The following RBM33 variants were observed in gnomAD, a reference collection of about 807,000 sequenced individuals.
RBM33 encodes RNA binding motif protein 33, also known as RNA-binding protein 33.
Under a neutral mutation model 132.6 loss-of-function variants are expected in RBM33, and 28 were observed. The ratio of observed to expected loss-of-function variants is 0.21; its 90% CI spans 0.16 to 0.29. RBM33 has a LOEUF of 0.29. Among genes scored for constraint, RBM33 ranks in the 10% least tolerant of loss-of-function variants. The pLI, the probability that RBM33 is intolerant of heterozygous loss-of-function variation, is 1.00. For missense variants in RBM33, 1,291 were observed against 1,518.5 expected, an observed-to-expected ratio of 0.85 and a Z score of 2.49; for synonymous variants, 634 against 593.0, an observed-to-expected ratio of 1.07 and a Z score of -1.01.
intron 12 of RBM33, 52 bp downstream of exon 12, chr7:155,740,078 T>TA: frequency 1.4e-6 from 2 of 1,464,394 alleles, no homozygotes; most frequent in Non-Finnish European, 1.8e-6. Flanking sequence ...CCTTTTAACT[T>TA]ACAGGACTTG....
At chr7:155,689,880 GCTTTA>G (rs1741057762) in intron 5 of RBM33, among the ~76,000 whole-genome samples, 1 of 152,210 alleles carries the variant, frequency 6.6e-6, no homozygotes, top group Non-Finnish European at 1.5e-5. Flanking sequence ...GCTGAGGAGT[GCTTTA>G]CTTCCAACTG....
chr7:155,675,138 C>G (rs1329552530), intron 3 of RBM33, among the ~76,000 whole-genome samples: 2 of 152,054 alleles, frequency 1.3e-5, no homozygotes, highest in East Asian at 3.9e-4. Flanking sequence ...GAAACCCCGT[C>G]TCTGCTAAAA....
At position 155,673,956 on chromosome 7, in the gene RBM33, T is replaced by TTTG. The variant is rs1475479611; in HGVS notation, c.171+1043_171+1044insGTT. Among the ~76,000 whole-genome samples, 67 of 109,148 alleles carry TTTG rather than the reference T, an allele frequency of 6.1e-4. 2 individuals carry two copies. Among genetic ancestry groups the TTTG allele is most frequent in the South Asian group, 6.6e-4 (2 of 3,040 alleles). 71.6% of individuals were successfully genotyped at this position (109,148 alleles called of 152,430 possible). On this transcript the variant is annotated intron_variant, in intron 3 of 17. Transcript: ENST00000401878. ...TTAGGCTTAGTTTTTTTTTTTTTTT[T>TTTG]TTTTTTTTTTTTTTTTGAGACACAG...
At chr7:155,738,534 T>C (rs1396262857) in intron 11 of RBM33, 131 bp downstream of exon 11, 2 of 908,904 alleles carry the variant, frequency 2.2e-6, no homozygotes, top group Non-Finnish European at 3.2e-6. Context: ...TAGTCTCAAA[T>C]GTACTGTTTG....
At chr7:155,659,045 A>G (rs144193681) in intron 1 of RBM33, among the ~76,000 whole-genome samples, 3 of 152,340 alleles carry the variant, frequency 2.0e-5, no homozygotes, top group African/African-American at 4.8e-5. Context: ...AAGGAATATA[A>G]TAAATAGTAG....
chr7:155,697,187 T>TGGAGGA lies in RBM33; in HGVS notation c.568-3572_568-3567dup, dbSNP rs142586359. Among the ~76,000 whole-genome samples the TGGAGGA allele has an allele frequency of 9.9e-3, 1,511 of 152,008 alleles. 19 individuals carry two copies. Among genetic ancestry groups the TGGAGGA allele is most frequent in the African/African-American group, 0.034 (1,425 of 41,436 alleles). On this transcript the variant is annotated intron_variant, in intron 5 of 17. Coordinates refer to ENST00000401878, the MANE Select transcript of RBM33 (RefSeq NM_053043.3). ...GGAAAGCAACTTAAGCCCCACCTCCTGGAGGAGGAGGAGGAGGAGTATCTC... is the reference window on the plus strand; with the variant it reads ...GGAAAGCAACTTAAGCCCCACCTCCTGGAGGAGGAGGAGGAGGAGGAGGAGTATCTC...
At chr7:155,658,790 A>C (rs1490399912) in intron 1 of RBM33, among the ~76,000 whole-genome samples, 2 of 152,224 alleles carry the variant, frequency 1.3e-5, no homozygotes, top group Admixed American at 1.3e-4. Flanking sequence ...CCAGTGGAAC[A>C]ACTATTGACC....
intron 16 of RBM33, among the ~76,000 whole-genome samples, chr7:155,773,568 CAAAAAAA>C (rs201127157): frequency 0.092 from 4,637 of 50,260 alleles, 134 homozygotes; most frequent in South Asian, 0.16. Flanking sequence ...ACTCCATCTC[CAAAAAAA>C]AAAAAAAAAA....
chr7:155,685,271 G>A (rs752010440), intron 5 of RBM33, among the ~76,000 whole-genome samples: 2 of 152,178 alleles, frequency 1.3e-5, no homozygotes, highest in Non-Finnish European at 2.9e-5. Context: ...TGTTGTAAAT[G>A]TTTTGTGGGG....
intron 5 of RBM33, among the ~76,000 whole-genome samples, chr7:155,690,025 T>C (rs1399123600): frequency 6.6e-6 from 1 of 152,188 alleles, no homozygotes; most frequent in Non-Finnish European, 1.5e-5. Flanking sequence ...TGGATATCCT[T>C]GTTAACTTTC....
rs764504664 is a variant in RBM33, at chr7:155,678,595, T to A, written c.172-13T>A. 3 of 1,473,520 alleles carry A rather than the reference T, an allele frequency of 2.0e-6. No homozygotes were observed. In the South Asian group the frequency reaches 3.7e-5, roughly 18 times the overall value. The allele number at this position is 1,473,520 out of a possible 1,614,324, so 91.3% of individuals were successfully genotyped here. A position where few individuals can be genotyped will look rare whatever the true frequency, so the allele number is the denominator to read the frequency against. On this transcript the variant is annotated splice_polypyrimidine_tract_variant and intron_variant, in intron 3 of 17. Transcript: ENST00000401878. ...AAGTGACACACATTAATTATATTTC[T>A]TATTTTAATTAGAATCAGTCGGATT...
chr7:155,710,419 T>C (rs1292442058), intron 7 of RBM33, among the ~76,000 whole-genome samples: 2 of 152,228 alleles, frequency 1.3e-5, no homozygotes, highest in Admixed American at 6.5e-5. Flanking sequence ...GAACTTAAAA[T>C]GTGGGGAAGA....
intron 1 of RBM33, among the ~76,000 whole-genome samples, chr7:155,663,221 T>TA (rs397715480): frequency 2.0e-5 from 3 of 151,338 alleles, no homozygotes; most frequent in Non-Finnish European, 4.4e-5. Flanking sequence ...TTTTTTTTTT[T>TA]AAAGCACTTG....
chr7:155,674,593 C>T (rs986781902), intron 3 of RBM33, among the ~76,000 whole-genome samples: 4 of 152,172 alleles, frequency 2.6e-5, no homozygotes, highest in Non-Finnish European at 5.9e-5. Context: ...GTGACCTCCT[C>T]TCATAAAAGC....
chr7:155,651,819 T>C (rs1185110362), intron 1 of RBM33, among the ~76,000 whole-genome samples: 1 of 152,168 alleles, frequency 6.6e-6, no homozygotes, highest in African/African-American at 2.4e-5. Flanking sequence ...TGATGAAAGT[T>C]TGTTGAAAGA....
rs1266321027 is a variant in RBM33 at position 155,780,787 on chromosome 7, A to G, written c.*5746A>G. The G allele has an allele frequency of 6.7e-6, 1 of 149,364 alleles. No homozygotes were observed. The highest frequency in any genetic ancestry group is 1.5e-5 in the Non-Finnish European group (1 of 67,770). 9.3% of individuals were successfully genotyped at this position (149,364 alleles called of 1,614,324 possible). ...ATTTTCACACTGTGTTTACCACTCCATCACCTCTCAACCTTTGCTTCGACA... is the reference window on the plus strand; with the variant it reads ...ATTTTCACACTGTGTTTACCACTCCGTCACCTCTCAACCTTTGCTTCGACA... On this transcript the variant is annotated 3_prime_UTR_variant, in exon 18 of 18. Transcript: ENST00000401878.
chr7:155,775,107 G>A lies in RBM33; in HGVS notation c.*66G>A, dbSNP rs552737947. 7.1e-6 allele frequency: 10 copies of A among 1,411,862 alleles called. No homozygotes were observed. Among genetic ancestry groups the A allele is most frequent in the Middle Eastern group, 1.8e-4 (1 of 5,654 alleles). The allele number at this position is 1,411,862 out of a possible 1,614,324, so 87.5% of individuals were successfully genotyped here. On this transcript the variant is annotated 3_prime_UTR_variant, in exon 18 of 18. Transcript: ENST00000401878. ...GTGGAATTTCTTCAAGGGAGCTGCC[G>A]GCCGGCGCAGAACCCCCAGGAGCAC...
At chr7:155,690,458 C>T (rs1196147704) in intron 5 of RBM33, among the ~76,000 whole-genome samples, 3 of 152,112 alleles carry the variant, frequency 2.0e-5, no homozygotes, top group Admixed American at 6.5e-5. Context: ...GAGCATTTAG[C>T]CCATTTACAT....
At chr7:155,697,187 TGGA>T (rs142586359) in intron 5 of RBM33, among the ~76,000 whole-genome samples, 2 of 152,008 alleles carry the variant, frequency 1.3e-5, no homozygotes, top group East Asian at 1.9e-4. Context: ...CCCCACCTCC[TGGA>T]GGAGGAGGAG....
Sources: allele counts gnomAD v4.1 joint callset (sites outside exome capture counted in the v4.1 genomes callset), GRCh38; gene constraint gnomAD v4.1.1; transcripts MANE v1.5; gene names NCBI Gene and HGNC (gene_info 2026-07-23, HGNC 2026-07-21).